Variants in TASP1 observed in about 807,000 individuals in gnomAD.
TASP1 encodes threonine aspartase 1.
TASP1 carries 16 observed loss-of-function variants against 56.6 expected under a neutral mutation model. The observed-to-expected ratio is 0.28, with a 90% CI of 0.19 to 0.43. TASP1 has a LOEUF of 0.43. TASP1 is among the 20% of genes least tolerant of loss of function. The pLI is 1.00. For synonymous variants in TASP1, 179 were observed against 184.2 expected, an observed-to-expected ratio of 0.97 and a Z score of 0.23; for missense variants, 393 against 511.6, an observed-to-expected ratio of 0.77 and a Z score of 2.24.
intron 10 of TASP1, among the ~76,000 whole-genome samples, chr20:13,499,473 A>AG (rs1555878316): frequency 1.8e-4 from 27 of 151,726 alleles, no homozygotes; most frequent in Middle Eastern, 3.4e-3. Flanking sequence ...TAAAAAAAAA[A>AG]AAAGAAAGAA....
intron 7 of TASP1, among the ~76,000 whole-genome samples, chr20:13,564,890 C>A (rs1228122420): frequency 6.6e-6 from 1 of 151,260 alleles, no homozygotes; most frequent in African/African-American, 2.4e-5. Context: ...CTTGTAATCC[C>A]AACTACACAG....
chr20:13,544,593 G>A (rs990568396), intron 8 of TASP1, among the ~76,000 whole-genome samples: 2 of 152,162 alleles, frequency 1.3e-5, no homozygotes, highest in Non-Finnish European at 2.9e-5. Flanking sequence ...TTACTGGGCA[G>A]ATTTAAAAAT....
At chr20:13,230,756 G>A in the TASP1 span, among the ~76,000 whole-genome samples, 39,340 of 149,548 alleles carry the variant, frequency 0.26, 5,342 homozygotes, top group African/African-American at 0.35. Flanking sequence ...GAAAAAAAAA[G>A]AAAAGAAAAG....
the TASP1 span, among the ~76,000 whole-genome samples, chr20:13,348,525 ACCCGTG>A: frequency 1.4e-4 from 22 of 152,230 alleles, no homozygotes; most frequent in African/African-American, 5.3e-4. Context: ...TAGCAAGGCA[ACCCGTG>A]CCTAGAGACC....
the TASP1 span, among the ~76,000 whole-genome samples, chr20:13,230,026 C>T: frequency 6.6e-6 from 1 of 152,140 alleles, no homozygotes; most frequent in Admixed American, 6.6e-5. Flanking sequence ...AAATAAAGTT[C>T]TATCATTTGT....
At chr20:13,508,075 A>T (rs984424909) in intron 10 of TASP1, among the ~76,000 whole-genome samples, 2 of 152,208 alleles carry the variant, frequency 1.3e-5, no homozygotes, top group African/African-American at 4.8e-5. Flanking sequence ...ACCAACTCAA[A>T]ATAGATTAAA....
At chr20:13,338,586 C>A in the TASP1 span, among the ~76,000 whole-genome samples, 2 of 152,198 alleles carry the variant, frequency 1.3e-5, no homozygotes, top group South Asian at 4.1e-4. Context: ...TGATGAAATT[C>A]TTCTGAGCTC....
the TASP1 span, among the ~76,000 whole-genome samples, chr20:13,261,419 CT>C: frequency 6.8e-6 from 1 of 147,254 alleles, no homozygotes; most frequent in South Asian, 2.2e-4. Flanking sequence ...GAGTGAAACT[CT>C]GTCTCAAAAA....
chr20:13,563,141 TAAGA>T (rs1265838395), intron 7 of TASP1, among the ~76,000 whole-genome samples: 1 of 150,866 alleles, frequency 6.6e-6, no homozygotes, highest in African/African-American at 2.4e-5. Context: ...CACATATAAA[TAAGA>T]GAGTTCTATG....
the TASP1 span, among the ~76,000 whole-genome samples, chr20:13,321,253 T>TAAAAAAAAAAAA: frequency 2.3e-4 from 13 of 57,516 alleles, 1 homozygote; most frequent in East Asian, 4.7e-3. Context: ...GTGCCCCACA[T>TAAAAAAAAAAAA]AAAAAAAAAA....
chr20:13,504,866 TCA>T (rs1284868692), intron 10 of TASP1, among the ~76,000 whole-genome samples: 8 of 151,866 alleles, frequency 5.3e-5, no homozygotes, highest in African/African-American at 1.9e-4. Flanking sequence ...AGTCATCAAA[TCA>T]CAAAGACAGC....
chr20:13,530,947 G>A (rs925875668), intron 9 of TASP1, among the ~76,000 whole-genome samples: 4 of 152,104 alleles, frequency 2.6e-5, no homozygotes, highest in African/African-American at 9.7e-5. Context: ...CTATTATCAT[G>A]CAGTAAAAGT....
the TASP1 span, among the ~76,000 whole-genome samples, chr20:13,341,503 G>A: frequency 3.4e-4 from 51 of 152,076 alleles, no homozygotes; most frequent in Non-Finnish European, 6.5e-4. Flanking sequence ...ATATTTCAAG[G>A]AAGTTTTGGG....
intron 4 of TASP1, among the ~76,000 whole-genome samples, chr20:13,621,726 T>C: frequency 6.6e-6 from 1 of 152,136 alleles, no homozygotes; most frequent in East Asian, 1.9e-4. Context: ...TAGGGGAAAA[T>C]AGAATGAAAT....
the TASP1 span, among the ~76,000 whole-genome samples, chr20:13,242,546 G>T: frequency 6.6e-6 from 1 of 152,170 alleles, no homozygotes; most frequent in Admixed American, 6.5e-5. Flanking sequence ...AAGGAGGACA[G>T]GCTGAGTCCA....
the TASP1 span, among the ~76,000 whole-genome samples, chr20:13,316,633 A>G: frequency 1.3e-5 from 2 of 151,956 alleles, no homozygotes; most frequent in South Asian, 4.1e-4. Context: ...GTGGCTCAAC[A>G]TGTGAAAATT....
the TASP1 span, among the ~76,000 whole-genome samples, chr20:13,268,437 T>C: frequency 1.4e-5 from 2 of 147,290 alleles, no homozygotes; most frequent in African/African-American, 5.0e-5. Context: ...ACATTTGGCC[T>C]CTGTTGCATT....
At chr20:13,270,851 T>G in the TASP1 span, 10 of 1,006,420 alleles carry the variant, frequency 9.9e-6, no homozygotes, top group African/African-American at 1.3e-4. Context: ...TCTTAACCCC[T>G]TAATGATTCC....
chr20:13,581,763 G>A (rs1205660379), intron 5 of TASP1, among the ~76,000 whole-genome samples: 1 of 152,178 alleles, frequency 6.6e-6, no homozygotes, highest in African/African-American at 2.4e-5. Context: ...TTCCTAATGT[G>A]CTCCAGGCCC....
Sources: gnomAD v4.1 joint callset for allele counts (sites outside exome capture counted in the v4.1 genomes callset) on GRCh38, gnomAD v4.1.1 for gene constraint, MANE v1.5 for transcripts, NCBI Gene and HGNC (gene_info 2026-07-23, HGNC 2026-07-21) for gene names.